The following PSD3 variants were observed in gnomAD, a reference collection of about 807,000 sequenced individuals.
PSD3 encodes the protein PH and SEC7 domain-containing protein 3.
A neutral mutation model predicts 105.5 loss-of-function variants in PSD3; 49 were observed. That is an observed-to-expected ratio of 0.46 (90% CI 0.37 to 0.59). PSD3 has a LOEUF of 0.59. PSD3 is among the 20% of genes least tolerant of loss of function. The pLI is 0.00. For missense variants in PSD3, 1,561 were observed against 1,263.8 expected (o/e 1.24, Z -3.57); for synonymous variants, 557 against 457.8 (o/e 1.22, Z -2.77).
chr8:18,801,460 A>T (rs2129447374), intron 6 of PSD3, 78 bp from the exon 7 acceptor site: 1 of 765,398 alleles, frequency 1.3e-6, no homozygotes, highest in East Asian at 2.7e-5. Flanking sequence ...AAGTCAATTT[A>T]TATAAACCTA....
At chr8:18,945,367 G>A (rs1196891052) in intron 1 of PSD3, among the ~76,000 whole-genome samples, 1 of 152,218 alleles carries the variant, frequency 6.6e-6, no homozygotes, top group Non-Finnish European at 1.5e-5. Context: ...AGTAGAGCCA[G>A]AGATAAGATA....
chr8:18,593,183 C>T (rs4921606), intron 12 of PSD3, among the ~76,000 whole-genome samples: 2 of 151,894 alleles, frequency 1.3e-5, no homozygotes, highest in African/African-American at 4.8e-5. Context: ...AGAGTGAACA[C>T]GCAACCTACA....
At position 18,556,370 on chromosome 8, in the gene PSD3, G is replaced by T; in HGVS notation, c.2785-18C>A. On this transcript the variant is annotated intron_variant, in intron 14 of 15. Coordinates refer to ENST00000327040, the MANE Select transcript of PSD3 (RefSeq NM_015310.4). ...TGCTCCTCCTGCAGGAAATCATGAT[G>T]CCATTTAGCGTTCAAAAAAAAAACA... is the stretch of plus-strand genomic sequence containing the variant. 6.3e-7 allele frequency: 1 copy of T among 1,593,924 alleles called. No homozygotes were observed.
At chr8:18,876,019 T>C (rs971300683) in intron 2 of PSD3, among the ~76,000 whole-genome samples, 4 of 152,218 alleles carry the variant, frequency 2.6e-5, no homozygotes, top group African/African-American at 9.6e-5. Flanking sequence ...GTCTGACTTC[T>C]TTCACCTGGC....
intron 12 of PSD3, among the ~76,000 whole-genome samples, chr8:18,575,838 GAAAGA>G (rs1802431409): frequency 6.6e-6 from 1 of 152,152 alleles, no homozygotes; most frequent in Non-Finnish European, 1.5e-5. Context: ...CTCTTCTGCT[GAAAGA>G]AAAGAGGAAA....
At chr8:18,546,847 G>T (rs1301826317) in intron 15 of PSD3, among the ~76,000 whole-genome samples, 6 of 152,104 alleles carry the variant, frequency 3.9e-5, no homozygotes, top group African/African-American at 1.4e-4. Context: ...CTTTGTGTTT[G>T]AGTTTTTTAG....
intron 1 of PSD3, among the ~76,000 whole-genome samples, chr8:18,948,678 T>A (rs187197310): frequency 9.9e-5 from 15 of 152,148 alleles, no homozygotes; most frequent in African/African-American, 3.6e-4. Flanking sequence ...TACAAAGAAA[T>A]TGCATAAGCA....
intron 1 of PSD3, among the ~76,000 whole-genome samples, chr8:19,004,930 A>G (rs1826601839): frequency 6.6e-6 from 1 of 152,054 alleles, no homozygotes; most frequent in South Asian, 2.1e-4. Context: ...CATGATTGTG[A>G]GGCCTCCCCA....
chr8:19,050,052 C>A (rs577140753), intron 1 of PSD3, among the ~76,000 whole-genome samples: 1 of 152,324 alleles, frequency 6.6e-6, no homozygotes, highest in Non-Finnish European at 1.5e-5. Context: ...ACATGCCAAT[C>A]AACTCGTGAT....
chr8:18,882,176 C>G (rs1410528179), intron 2 of PSD3, among the ~76,000 whole-genome samples: 2 of 152,046 alleles, frequency 1.3e-5, no homozygotes, highest in African/African-American at 4.8e-5. Context: ...CCACTGCCCT[C>G]TAGCCGGGAC....
At chr8:18,944,401 T>A (rs541822894) in intron 1 of PSD3, among the ~76,000 whole-genome samples, 2 of 152,078 alleles carry the variant, frequency 1.3e-5, no homozygotes, top group South Asian at 4.2e-4. Context: ...GAAACCCCCA[T>A]CTCTAATAAA....
intron 7 of PSD3, 33 bp from the exon 8 acceptor site, chr8:18,799,386 T>C (rs1303672479): frequency 2.0e-6 from 3 of 1,531,890 alleles, no homozygotes; most frequent in Non-Finnish European, 2.7e-6. Flanking sequence ...AAAGCATGAA[T>C]TCGCTTTTCA....
chr8:18,896,636 C>A (rs1241748795), intron 2 of PSD3, among the ~76,000 whole-genome samples: 2 of 151,966 alleles, frequency 1.3e-5, no homozygotes, highest in Non-Finnish European at 2.9e-5. Flanking sequence ...TGGTCTTGAA[C>A]TCCTGAGCTC....
At chr8:18,859,165 G>C (rs1202284009) in intron 4 of PSD3, among the ~76,000 whole-genome samples, 1 of 151,728 alleles carries the variant, frequency 6.6e-6, no homozygotes, top group Non-Finnish European at 1.5e-5. Flanking sequence ...ATCTCCATCA[G>C]AGCTCCCGGG....
chr8:18,564,957 T>C (rs1408443720), intron 14 of PSD3, among the ~76,000 whole-genome samples: 1 of 152,046 alleles, frequency 6.6e-6, no homozygotes, highest in African/African-American at 2.4e-5. Context: ...AAGACAATGG[T>C]TGGAATTCTA....
At chr8:18,537,645 G>A (rs1799913915) in intron 15 of PSD3, among the ~76,000 whole-genome samples, 1 of 151,252 alleles carries the variant, frequency 6.6e-6, no homozygotes, top group Non-Finnish European at 1.5e-5. Flanking sequence ...AAAAGGGACA[G>A]ACTTTAAGGA....
intron 9 of PSD3, among the ~76,000 whole-genome samples, 161 bp from the exon 10 acceptor site, chr8:18,655,846 T>C (rs1000964123): frequency 1.1e-4 from 17 of 152,264 alleles, no homozygotes; most frequent in Middle Eastern, 3.4e-3. Flanking sequence ...GGGAGGCAAA[T>C]GAGCATTGGG....
At chr8:19,018,618 A>G (rs2129475758), upstream of PSD3, among the ~76,000 whole-genome samples, 1 of 152,364 alleles carries the variant, frequency 6.6e-6, no homozygotes, top group South Asian at 2.1e-4. Flanking sequence ...ATGCGCTAAT[A>G]AATCTGAAGC....
At chr8:18,588,110 C>T (rs1000064554) in intron 12 of PSD3, among the ~76,000 whole-genome samples, 2 of 152,136 alleles carry the variant, frequency 1.3e-5, no homozygotes, top group Non-Finnish European at 2.9e-5. Context: ...CCCCAAAGAA[C>T]GCTATGATGC....
Sources: gnomAD v4.1 joint callset for allele counts (sites outside exome capture counted in the v4.1 genomes callset) on GRCh38, gnomAD v4.1.1 for gene constraint, MANE v1.5 for transcripts, NCBI Gene and HGNC (gene_info 2026-07-23, HGNC 2026-07-21) for gene names.